Variants in SZRD1 observed in about 807,000 individuals in gnomAD.
The protein encoded by SZRD1 is SUZ RNA binding domain containing 1.
A neutral mutation model predicts 17.6 loss-of-function variants in SZRD1; 7 were observed. The ratio of observed to expected loss-of-function variants is 0.40; its 90% CI spans 0.23 to 0.75. SZRD1 has a LOEUF of 0.75. SZRD1 is among the 30% of genes least tolerant of loss of function. SZRD1 has a pLI of 0.38. For synonymous variants in SZRD1, 77 were observed against 77.9 expected (o/e 0.99, Z 0.06); for missense variants, 178 against 201.8 (o/e 0.88, Z 0.71).
At position 16,388,223 on chromosome 1, in the gene SZRD1, C is replaced by T. The variant is rs192650684; in HGVS notation, c.52-3152C>T. Among the ~76,000 whole-genome samples the T allele has an allele frequency of 2.0e-3, 307 of 152,250 alleles. 1 individual carries two copies. The highest frequency in any genetic ancestry group is 7.1e-3 in the African/African-American group (293 of 41,536). On this transcript the variant is annotated intron_variant, in intron 1 of 3. Coordinates refer to ENST00000401088, the MANE Select transcript of SZRD1 (RefSeq NM_001114600.3). ...CCGTCTCCCAGGTTCAAGAGATTCT[C>T]CTGCCTCAGCCTCCTGAGTAGCTGG... is the stretch of plus-strand genomic sequence containing the variant.
intron 1 of SZRD1, chr1:16,387,832 C>T: frequency 2.6e-6 from 1 of 378,932 alleles, no homozygotes; most frequent in Non-Finnish European, 5.1e-6. Context: ...GTAGTACTTA[C>T]TCAGGTAATA....
chr1:16,385,087 T>A (rs2083166453), intron 1 of SZRD1, among the ~76,000 whole-genome samples: 1 of 152,224 alleles, frequency 6.6e-6, no homozygotes, highest in Admixed American at 6.5e-5. Flanking sequence ...TAATTCAAAG[T>A]CCAAAGCAAG....
In SZRD1 at chr1:16,393,809, G is replaced by T. The variant is rs943572510; in HGVS notation, c.356+327G>T. Among the ~76,000 whole-genome samples, 2 of 152,180 alleles carry T rather than the reference G, an allele frequency of 1.3e-5. No homozygotes were observed. The highest frequency in any genetic ancestry group is 2.9e-5 in the Non-Finnish European group (2 of 68,028). ...CTGCCTCTTACCTCTTCTTTAGAAC[G>T]ACTTGACCTCTCTGGGCCTTAGTTT... On this transcript the variant is annotated intron_variant, in intron 3 of 3. Coordinates refer to ENST00000401088, the MANE Select transcript of SZRD1 (RefSeq NM_001114600.3). The surrounding 1 kb of genome is among the most constrained non-coding windows in gnomAD (Gnocchi z 5.6).
At chr1:16,383,102 G>A (rs1453875325) in intron 1 of SZRD1, among the ~76,000 whole-genome samples, 1 of 152,154 alleles carries the variant, frequency 6.6e-6, no homozygotes, top group Non-Finnish European at 1.5e-5. Flanking sequence ...CTGACCTCAG[G>A]TGATGCACCC....
At chr1:16,377,136 C>T (rs2083017493) in intron 1 of SZRD1, among the ~76,000 whole-genome samples, 2 of 152,142 alleles carry the variant, frequency 1.3e-5, no homozygotes, top group Non-Finnish European at 2.9e-5. Flanking sequence ...TTGTGTTTGC[C>T]ACCCCTGCTG....
chr1:16,388,912 T>C (rs2085173040), intron 1 of SZRD1, among the ~76,000 whole-genome samples: 1 of 151,270 alleles, frequency 6.6e-6, no homozygotes, highest in South Asian at 2.1e-4. Flanking sequence ...CCTCCCAAAA[T>C]GTTGGGATTA....
intron 1 of SZRD1, among the ~76,000 whole-genome samples, chr1:16,382,909 C>T (rs2083129665): frequency 6.6e-6 from 1 of 151,728 alleles, no homozygotes; most frequent in Non-Finnish European, 1.5e-5. Flanking sequence ...TCTCTCCCCC[C>T]TGCTAGAGTA....
intron 1 of SZRD1, among the ~76,000 whole-genome samples, chr1:16,384,391 A>G (rs1056328793): frequency 1.3e-4 from 19 of 150,540 alleles, no homozygotes; most frequent in Non-Finnish European, 2.5e-4. Context: ...AAAAAAAAAA[A>G]GGGAAAAAGA....
chr1:16,387,345 G>C (rs1348946244), intron 1 of SZRD1: 1 of 455,596 alleles, frequency 2.2e-6, no homozygotes, highest in Non-Finnish European at 4.4e-6. Context: ...GAGGAGACCT[G>C]GATGGGACTT....
In SZRD1 at chr1:16,393,914, A is replaced by G. The variant is rs2085260379; in HGVS notation, c.356+432A>G. 6.6e-6 allele frequency among the ~76,000 whole-genome samples: 1 copy of G among 152,188 alleles called. No individual in the cohort carries two copies. The highest frequency in any genetic ancestry group is 1.5e-5 in the Non-Finnish European group (1 of 68,026). On this transcript the variant is annotated intron_variant, in intron 3 of 3. Coordinates refer to ENST00000401088, the MANE Select transcript of SZRD1 (RefSeq NM_001114600.3). This position sits in a 1 kb window ranked among gnomAD's most constrained non-coding sequence, Gnocchi z 5.6. ...AATTCAGTGAGTAAATGAGCATAGG[A>G]TGTGGAGAGCCTGGGCTGGCAGAGT...
chr1:16,391,557 C>T lies in SZRD1; in HGVS notation c.101+133C>T. The T allele has an allele frequency of 1.3e-6, 1 of 760,392 alleles. No individual in the cohort carries two copies. The allele number at this position is 760,392 out of a possible 1,614,324, so 47.1% of individuals were successfully genotyped here. On this transcript the variant is annotated intron_variant, in intron 2 of 3. Coordinates refer to ENST00000401088, the MANE Select transcript of SZRD1 (RefSeq NM_001114600.3). The surrounding 1 kb of genome is among the most constrained non-coding windows in gnomAD (Gnocchi z 4.3). ...AGGCTCTGGGGCAGCAAACCCTTCC[C>T]TCCAAATTGGAGACCAGGACGTGGT...
intron 1 of SZRD1, among the ~76,000 whole-genome samples, chr1:16,373,231 GTTT>G (rs35547196): frequency 3.5e-5 from 5 of 143,646 alleles, no homozygotes; most frequent in African/African-American, 7.7e-5. Context: ...GAGCTTTGAA[GTTT>G]TTTTTTTTTT....
At chr1:16,380,366 A>G (rs1051740752) in intron 1 of SZRD1, among the ~76,000 whole-genome samples, 3 of 151,428 alleles carry the variant, frequency 2.0e-5, no homozygotes, top group African/African-American at 7.3e-5. Context: ...GTGCAGTGGC[A>G]TGATCTCAGC....
rs114142137 is a variant in SZRD1 at position 16,377,964 on chromosome 1, C to T, written c.51+10656C>T. Among the ~76,000 whole-genome samples the T allele has an allele frequency of 4.3e-3, 656 of 152,160 alleles. 6 individuals are homozygous for T. Among genetic ancestry groups the T allele is most frequent in the African/African-American group, 0.015 (605 of 41,518 alleles). Reference sequence around the variant, plus strand: ...CCCTGAGGACTAATATACTCTCCTCCGAGAATTGTATTGCTTAGTGTTGTA... The same window carrying T: ...CCCTGAGGACTAATATACTCTCCTCTGAGAATTGTATTGCTTAGTGTTGTA... On this transcript the variant is annotated intron_variant, in intron 1 of 3. Coordinates refer to ENST00000401088, the MANE Select transcript of SZRD1 (RefSeq NM_001114600.3).
chr1:16,381,872 C>G (rs1032620985), intron 1 of SZRD1, among the ~76,000 whole-genome samples: 6 of 151,986 alleles, frequency 3.9e-5, no homozygotes, highest in African/African-American at 1.4e-4. Context: ...TTGCAGTGAG[C>G]TGAGATCGTG....
intron 1 of SZRD1, among the ~76,000 whole-genome samples, chr1:16,386,457 A>G (rs752039046): frequency 6.6e-5 from 10 of 152,160 alleles, no homozygotes; most frequent in Non-Finnish European, 1.2e-4. Flanking sequence ...GGGGAGATGC[A>G]CATTTTCCTT....
At chr1:16,386,323 T>C (rs528707819) in intron 1 of SZRD1, among the ~76,000 whole-genome samples, 1 of 152,382 alleles carries the variant, frequency 6.6e-6, no homozygotes, top group African/African-American at 2.4e-5. Context: ...GGCAGGACTC[T>C]GCATCCTTGT....
chr1:16,395,443 C>A lies in SZRD1; in HGVS notation c.*303C>A. On this transcript the variant is annotated 3_prime_UTR_variant, in exon 4 of 4. Coordinates refer to ENST00000401088, the MANE Select transcript of SZRD1 (RefSeq NM_001114600.3). ...CCCAGCAAGGACTCAGAGAGTCAGA[C>A]AGTGCCACTTGGCCACTTGGGGTAA... is the stretch of plus-strand genomic sequence containing the variant. 2.4e-6 allele frequency: 1 copy of A among 415,872 alleles called. No individual in the cohort carries two copies. The highest frequency in any genetic ancestry group is 4.5e-6 in the Non-Finnish European group (1 of 223,338). 25.8% of individuals were successfully genotyped at this position (415,872 alleles called of 1,614,324 possible).
At chr1:16,372,179 A>G (rs1035121125) in intron 1 of SZRD1, among the ~76,000 whole-genome samples, 1 of 151,972 alleles carries the variant, frequency 6.6e-6, no homozygotes, top group Non-Finnish European at 1.5e-5. Flanking sequence ...GTTTAAGACA[A>G]TCAATAAAAT....
Sources: allele counts gnomAD v4.1 joint callset (sites outside exome capture counted in the v4.1 genomes callset), GRCh38; gene constraint gnomAD v4.1.1; non-coding constraint Gnocchi (gnomAD v3.1); transcripts MANE v1.5; gene names NCBI Gene and HGNC (gene_info 2026-07-23, HGNC 2026-07-21).